SERHL2: variants seen among roughly 807,000 people sequenced by gnomAD.
SERHL2 encodes the protein serine hydrolase-like protein 2.
In SERHL2, 29 loss-of-function variants were observed where a neutral mutation model predicts 25.5. The observed-to-expected ratio is 1.14, with a 90% confidence interval of 0.85 to 1.55. The LOEUF (loss-of-function observed/expected upper bound fraction) is 1.55. Among genes scored for constraint, SERHL2 ranks in the 40% most tolerant of loss-of-function variants. The probability of loss-of-function intolerance (pLI) is 0.00; values close to 1 mark genes in which losing one functional copy is unlikely to be tolerated. For missense variants in SERHL2, 240 were observed against 252.3 expected, an observed-to-expected ratio of 0.95 and a Z score of 0.33; for synonymous variants, 95 against 103.5, an observed-to-expected ratio of 0.92 and a Z score of 0.50.
chr22:42,573,670 G>A (rs1340670406), intron 11 of SERHL2: 15 of 479,754 alleles, frequency 3.1e-5, no homozygotes, highest in African/African-American at 5.9e-5. Context: ...CCCTGGCCTC[G>A]GCCCCGCCCT....
At chr22:42,559,066 C>T (rs1922335733) in intron 7 of SERHL2, among the ~76,000 whole-genome samples, 1 of 83,372 alleles carries the variant, frequency 1.2e-5, no homozygotes, top group African/African-American at 5.9e-5. Context: ...CACACCCACA[C>T]ACACACACCC....
rs1924661860 is a variant in SERHL2, at chr22:42,574,046, C to G, written c.936C>G (p.Ala312=). 1 of 1,612,766 alleles carries G rather than the reference C, an allele frequency of 6.2e-7. No homozygotes were observed. Among genetic ancestry groups the G allele is most frequent in the Non-Finnish European group, 8.5e-7 (1 of 1,179,156 alleles). The change falls in exon 12 of 12, where the codon GCC becomes GCG. Residue 312 remains alanine, a synonymous_variant. Transcript: ENST00000327678. ...TACAGTGCACACACATGCTCCCAGC[C>G]CAGCTGTAGCTCTGGGCCTGGAACT... ...SFLQCTHMLP[A]QL is the part of the protein sequence containing the mutation.
chr22:42,572,218 C>A (rs116476699), intron 10 of SERHL2, among the ~76,000 whole-genome samples: 1,641 of 152,190 alleles, frequency 0.011, 29 homozygotes, highest in African/African-American at 0.038. Context: ...AAGGCTGTGC[C>A]TTCAGCATTC....
intron 8 of SERHL2, among the ~76,000 whole-genome samples, chr22:42,564,160 T>C (rs1229782510): frequency 1.3e-5 from 2 of 151,846 alleles, no homozygotes; most frequent in East Asian, 1.9e-4. Flanking sequence ...GACACTAATA[T>C]TATTTTGGGT....
intron 11 of SERHL2, chr22:42,573,193 C>T (rs1463851862): frequency 1.3e-5 from 2 of 151,162 alleles, no homozygotes; most frequent in Non-Finnish European, 2.9e-5. Context: ...CCACCTGTGG[C>T]TGGCCGGCTG....
At chr22:42,566,025 G>A (rs760428657) in intron 8 of SERHL2, among the ~76,000 whole-genome samples, 34 of 152,138 alleles carry the variant, frequency 2.2e-4, no homozygotes, top group Middle Eastern at 6.8e-3. Context: ...CGTCCACGAG[G>A]CTATTAGCCT....
At position 42,573,434 on chromosome 22, in the gene SERHL2, G is replaced by C. The variant is rs9623631; in HGVS notation, c.826-502G>C. The C allele has an allele frequency of 5.2e-4, 80 of 152,834 alleles. 1 individual carries two copies. The highest frequency in any genetic ancestry group is 9.9e-4 in the Non-Finnish European group (68 of 68,788). The allele number at this position is 152,834 out of a possible 1,614,324, so 9.5% of individuals were successfully genotyped here. A position where few individuals can be genotyped will look rare whatever the true frequency, so the allele number is the denominator to read the frequency against. ...AATTTTTTGTATTTTTAGTAGAGACGGGGTTTCACTGTCTTAACCAGGATG... is the reference window on the plus strand; with the variant it reads ...AATTTTTTGTATTTTTAGTAGAGACCGGGTTTCACTGTCTTAACCAGGATG... On this transcript the variant is annotated intron_variant, in intron 11 of 11. Coordinates refer to ENST00000327678, the MANE Select transcript of SERHL2 (RefSeq NM_014509.5).
At chr22:42,563,799 C>T (rs1342735529) in intron 8 of SERHL2, among the ~76,000 whole-genome samples, 1 of 151,892 alleles carries the variant, frequency 6.6e-6, no homozygotes, top group East Asian at 1.9e-4. Flanking sequence ...CTAGACCAGG[C>T]ACAGTGGCTC....
intron 9 of SERHL2, among the ~76,000 whole-genome samples, chr22:42,567,721 TTTATTATTA>T (rs553420266): frequency 8.6e-4 from 114 of 132,084 alleles, no homozygotes; most frequent in African/African-American, 2.5e-3. Flanking sequence ...TTTCTTTAAT[TTTATTATTA>T]TTATTATTAT....
rs758209011 is a variant in SERHL2, at chr22:42,560,182, C to T, written c.534-4C>T. The T allele has an allele frequency of 5.0e-6, 8 of 1,609,836 alleles. No individual in the cohort carries two copies. In the Admixed American group the frequency reaches 5.0e-5, roughly 10 times the overall value. Reference sequence around the variant, plus strand: ...GCACCCAGCATCCTTCTGTCTCCCCCCAGGTTACTGAAGAGCAATAGCCAC... The same window carrying T: ...GCACCCAGCATCCTTCTGTCTCCCCTCAGGTTACTGAAGAGCAATAGCCAC... On this transcript the variant is annotated splice_polypyrimidine_tract_variant and splice_region_variant and intron_variant, in intron 7 of 11. Transcript: ENST00000327678.
chr22:42,571,966 G>A (rs1924280965), intron 10 of SERHL2: 1 of 146,528 alleles, frequency 6.8e-6, no homozygotes, highest in Admixed American at 7.0e-5. Context: ...TGGGGTGTGT[G>A]TGTGTCCGCG....
At chr22:42,564,683 G>A (rs553718850) in intron 8 of SERHL2, among the ~76,000 whole-genome samples, 1 of 152,018 alleles carries the variant, frequency 6.6e-6, no homozygotes, top group South Asian at 2.1e-4. Flanking sequence ...CACCTGTCTT[G>A]GCCTCCCAAA....
intron 1 of SERHL2, among the ~76,000 whole-genome samples, 189 bp downstream of exon 1, chr22:42,554,231 C>T (rs1042786669): frequency 1.3e-5 from 2 of 152,104 alleles, no homozygotes; most frequent in Non-Finnish European, 2.9e-5. Flanking sequence ...GACACGGCCG[C>T]ACGTGGCCTC....
rs529953302 is a variant in SERHL2 at position 42,564,441 on chromosome 22, T to A, written c.614-1863T>A. Among the ~76,000 whole-genome samples the A allele has an allele frequency of 5.3e-5, 8 of 151,634 alleles. 1 individual carries two copies. The South Asian group carries it at 1.7e-3, about 32-fold the overall frequency. On this transcript the variant is annotated intron_variant, in intron 8 of 11. Transcript: ENST00000327678. ...CCCGACACAGGATTTTTTTTTTTCT[T>A]TTTTTTTGAGACGGGGTCTTGCTTT...
intron 8 of SERHL2, among the ~76,000 whole-genome samples, chr22:42,566,039 C>T (rs116603408): frequency 1.5e-3 from 227 of 152,160 alleles, no homozygotes; most frequent in African/African-American, 4.9e-3. Context: ...TTAGCCTAAG[C>T]TCCCGCCCTC....
chr22:42,573,036 A>C lies in SERHL2; in HGVS notation c.825+507A>C, dbSNP rs544782240. Among the ~76,000 whole-genome samples, 3 of 151,866 alleles carry C rather than the reference A, an allele frequency of 2.0e-5. No homozygotes were observed. In the South Asian group the frequency reaches 6.2e-4, roughly 32 times the overall value. Reference sequence around the variant, plus strand: ...CCGACTGCCTCATCCCTCTGCACCCATCATGACAGTGGGCGTGCTGGCTGT... The same window carrying C: ...CCGACTGCCTCATCCCTCTGCACCCCTCATGACAGTGGGCGTGCTGGCTGT... On this transcript the variant is annotated intron_variant, in intron 11 of 11. Transcript: ENST00000327678.
chr22:42,573,755 C>G (rs1351330352), intron 11 of SERHL2, 181 bp from the exon 12 acceptor site: 1 of 703,974 alleles, frequency 1.4e-6, no homozygotes, highest in East Asian at 2.5e-5. Context: ...GGTTAGACAC[C>G]TCCTGGGGTG....
At position 42,574,187 on chromosome 22, in the gene SERHL2, T is replaced by TAGTC. The variant is rs1223182262; in HGVS notation, c.*135_*138dup. The TAGTC allele has an allele frequency of 2.7e-5, 21 of 766,540 alleles. No homozygotes were observed. Among genetic ancestry groups the TAGTC allele is most frequent in the South Asian group, 5.3e-5 (3 of 56,984 alleles). The allele number at this position is 766,540 out of a possible 1,614,324, so 47.5% of individuals were successfully genotyped here. A position where few individuals can be genotyped will look rare whatever the true frequency, so the allele number is the denominator to read the frequency against. On this transcript the variant is annotated 3_prime_UTR_variant, in exon 12 of 12. Transcript: ENST00000327678. ...AGTCTTGAGGCCCAGCCTAGGATGG[T>TAGTC]AGTCAGGGGAAGGAGCGAGATTCCA...
chr22:42,572,978 C>T lies in SERHL2; in HGVS notation c.825+449C>T, dbSNP rs1468745279. 1.3e-5 allele frequency among the ~76,000 whole-genome samples: 2 copies of T among 151,828 alleles called. 1 individual carries two copies. Among genetic ancestry groups the T allele is most frequent in the Non-Finnish European group, 2.9e-5 (2 of 67,944 alleles). On this transcript the variant is annotated intron_variant, in intron 11 of 11. Transcript: ENST00000327678. ...AGCCACCATACCCGGCCTAGTCGCA[C>T]ATTTTACAGGCTCCCAAACCACAGC...
Sources: allele counts gnomAD v4.1 joint callset (sites outside exome capture counted in the v4.1 genomes callset), GRCh38; gene constraint gnomAD v4.1.1; transcripts MANE v1.5; gene names NCBI Gene and HGNC (gene_info 2026-07-23, HGNC 2026-07-21).